LRP1B: variants seen among roughly 807,000 people sequenced by gnomAD.
LRP1B encodes LDL receptor related protein 1B, also known as low-density lipoprotein receptor-related protein 1B.
A neutral mutation model predicts 556.6 loss-of-function variants in LRP1B; 217 were observed. That is an observed-to-expected ratio of 0.39 (90% CI 0.35 to 0.44). The LOEUF is 0.44. Among genes scored for constraint, LRP1B ranks in the 20% least tolerant of loss-of-function variants. The probability of loss-of-function intolerance (pLI) is 1.00; values close to 1 mark genes in which losing one functional copy is unlikely to be tolerated. For synonymous variants in LRP1B, 2,047 were observed against 1,865.8 expected (o/e 1.10, Z -2.50); for missense variants, 5,053 against 5,620.8 (o/e 0.90, Z 3.23).
chr2:140,662,970 A>G (rs566263170), intron 41 of LRP1B, among the ~76,000 whole-genome samples: 1 of 152,284 alleles, frequency 6.6e-6, no homozygotes, highest in South Asian at 2.1e-4. Context: ...AAATGTGTAT[A>G]ATTTCCAAAT....
intron 66 of LRP1B, among the ~76,000 whole-genome samples, chr2:140,424,280 G>A (rs989437650): frequency 2.0e-5 from 3 of 152,190 alleles, no homozygotes; most frequent in Admixed American, 6.5e-5. Flanking sequence ...TTAAAATTAC[G>A]AAGTATTTAA....
At chr2:142,025,855 T>A (rs989155089) in intron 1 of LRP1B, among the ~76,000 whole-genome samples, 3 of 152,122 alleles carry the variant, frequency 2.0e-5, no homozygotes, top group African/African-American at 7.2e-5. Context: ...CCATGCATTT[T>A]AAGAGAAGGT....
At chr2:140,271,308 A>G (rs754415654) in intron 85 of LRP1B, among the ~76,000 whole-genome samples, 4 of 151,970 alleles carry the variant, frequency 2.6e-5, no homozygotes, top group Non-Finnish European at 5.9e-5. Context: ...CACCAGTATT[A>G]GCTGCTATGA....
At chr2:140,732,164 A>T (rs1687801514) in intron 35 of LRP1B, among the ~76,000 whole-genome samples, 1 of 151,796 alleles carries the variant, frequency 6.6e-6, no homozygotes. Context: ...GGGGTTCATT[A>T]TTCTCTTCTC....
chr2:141,905,878 TAA>T (rs1384714290), intron 1 of LRP1B, among the ~76,000 whole-genome samples: 1 of 150,214 alleles, frequency 6.7e-6, no homozygotes, highest in Non-Finnish European at 1.5e-5. Context: ...TATACATCTC[TAA>T]GAGGACAAGA....
intron 3 of LRP1B, among the ~76,000 whole-genome samples, chr2:141,448,916 G>A (rs2105018213): frequency 6.6e-6 from 1 of 152,248 alleles, no homozygotes; most frequent in Non-Finnish European, 1.5e-5. Context: ...AAGCATTTAG[G>A]CCTTTTAAGC....
intron 11 of LRP1B, among the ~76,000 whole-genome samples, chr2:141,024,375 G>A (rs541377793): frequency 4.7e-4 from 72 of 152,104 alleles, no homozygotes; most frequent in South Asian, 8.3e-4. Context: ...TGTATTCAAA[G>A]AGATATGTAG....
intron 1 of LRP1B, among the ~76,000 whole-genome samples, chr2:142,115,524 AATATATATATTACATATG>A (rs1559079482): frequency 6.1e-4 from 38 of 62,784 alleles, no homozygotes; most frequent in African/African-American, 1.8e-3. Context: ...TTACATATAT[AATATATATATTACATATG>A]TAATATATAT....
chr2:141,258,014 C>T (rs576707407), intron 3 of LRP1B, among the ~76,000 whole-genome samples: 160 of 152,280 alleles, frequency 1.1e-3, no homozygotes, highest in Non-Finnish European at 1.8e-3. Context: ...CAGTGACTTT[C>T]GTCAAGCATA....
At chr2:141,487,100 T>C (rs1243613098) in intron 2 of LRP1B, among the ~76,000 whole-genome samples, 1 of 152,158 alleles carries the variant, frequency 6.6e-6, no homozygotes, top group Non-Finnish European at 1.5e-5. Context: ...ATTTCACACA[T>C]GCTTTTTCAT....
At chr2:140,693,745 T>C (rs1380105276) in intron 41 of LRP1B, among the ~76,000 whole-genome samples, 1 of 152,162 alleles carries the variant, frequency 6.6e-6, no homozygotes, top group Non-Finnish European at 1.5e-5. Flanking sequence ...TCACACTCTG[T>C]CACCCAGGCT....
At chr2:141,372,263 T>A (rs2105593836) in intron 3 of LRP1B, among the ~76,000 whole-genome samples, 1 of 152,258 alleles carries the variant, frequency 6.6e-6, no homozygotes, top group East Asian at 1.9e-4. Flanking sequence ...ATCTTTTCAT[T>A]GTGTTATTGG....
intron 7 of LRP1B, among the ~76,000 whole-genome samples, chr2:141,075,677 T>A (rs1248234545): frequency 6.6e-6 from 1 of 152,186 alleles, no homozygotes; most frequent in Non-Finnish European, 1.5e-5. Context: ...TATTGGCTTG[T>A]AAGGGCATTG....
At chr2:141,716,435 T>G (rs945595672) in intron 2 of LRP1B, among the ~76,000 whole-genome samples, 1 of 152,180 alleles carries the variant, frequency 6.6e-6, no homozygotes, top group Non-Finnish European at 1.5e-5. Context: ...GTATATATAT[T>G]TTTTTCAGAG....
In LRP1B at chr2:140,325,897, C is replaced by G. The variant is rs1680446439; in HGVS notation, c.12224-19G>C. On this transcript the variant is annotated intron_variant, in intron 79 of 90. Coordinates refer to ENST00000389484, the MANE Select transcript of LRP1B (RefSeq NM_018557.3). The stretch of plus-strand genomic sequence containing the variant: ...GCCAAACCTGCAAAATCAACACACA[C>G]AAGACAAATAGTGCAAGTAAATTTG... 1 of 1,423,778 alleles carries G rather than the reference C, an allele frequency of 7.0e-7. No individual in the cohort carries two copies. Among genetic ancestry groups the G allele is most frequent in the Non-Finnish European group, 9.9e-7 (1 of 1,010,842 alleles). 88.2% of individuals were successfully genotyped at this position (1,423,778 alleles called of 1,614,324 possible).
At chr2:140,318,921 T>G (rs1427817090) in intron 82 of LRP1B, among the ~76,000 whole-genome samples, 3 of 152,174 alleles carry the variant, frequency 2.0e-5, no homozygotes, top group African/African-American at 7.2e-5. Context: ...ATATTTAGTA[T>G]TATTACTAAT....
At chr2:141,015,081 A>C (rs918726836) in intron 13 of LRP1B, among the ~76,000 whole-genome samples, 3 of 152,112 alleles carry the variant, frequency 2.0e-5, no homozygotes, top group Non-Finnish European at 4.4e-5. Flanking sequence ...TTGTAATTAG[A>C]TTACTAAAAC....
chr2:140,359,387 T>C (rs1244156137), intron 72 of LRP1B, among the ~76,000 whole-genome samples: 1 of 151,666 alleles, frequency 6.6e-6, no homozygotes, highest in Non-Finnish European at 1.5e-5. Context: ...ATCCCAACAA[T>C]ATTCTAACTT....
At chr2:141,524,965 T>C (rs1418254659) in intron 2 of LRP1B, among the ~76,000 whole-genome samples, 1 of 152,168 alleles carries the variant, frequency 6.6e-6, no homozygotes, top group Admixed American at 6.6e-5. Context: ...CCATGTCTTA[T>C]CACGTGACAC....
Sources: gnomAD v4.1 joint callset for allele counts (sites outside exome capture counted in the v4.1 genomes callset) on GRCh38, gnomAD v4.1.1 for gene constraint, MANE v1.5 for transcripts, NCBI Gene and HGNC (gene_info 2026-07-23, HGNC 2026-07-21) for gene names.